NALF1: variants seen among roughly 807,000 people sequenced by gnomAD.
NALF1 encodes NALCN channel auxiliary factor 1, also known as family with sequence similarity 155 member A.
Under a neutral mutation model 48.4 loss-of-function variants are expected in NALF1, and 3 were observed. That is an observed-to-expected ratio of 0.06 (90% CI 0.03 to 0.16). The LOEUF (loss-of-function observed/expected upper bound fraction) is 0.16, where lower values mean the gene tolerates loss of function less well. Among genes scored for constraint, NALF1 ranks in the 10% least tolerant of loss-of-function variants. The probability of loss-of-function intolerance (pLI) is 1.00; values close to 1 mark genes in which losing one functional copy is unlikely to be tolerated. For synonymous variants in NALF1, 262 were observed against 245.7 expected (o/e 1.07, Z -0.62); for missense variants, 526 against 571.5 (o/e 0.92, Z 0.81).
chr13:107,528,003 A>G (rs1452367590), intron 1 of NALF1, among the ~76,000 whole-genome samples: 1 of 152,220 alleles, frequency 6.6e-6, no homozygotes, highest in Non-Finnish European at 1.5e-5. Context: ...ACTACAAAGT[A>G]ATATAAACAT....
intron 1 of NALF1, among the ~76,000 whole-genome samples, chr13:107,643,407 G>A (rs1880216478): frequency 6.6e-6 from 1 of 151,966 alleles, no homozygotes; most frequent in South Asian, 2.1e-4. Context: ...ATTCAAAACT[G>A]GAATATGACA....
intron 1 of NALF1, among the ~76,000 whole-genome samples, chr13:107,802,188 C>T (rs918988410): frequency 2.6e-4 from 39 of 152,204 alleles, no homozygotes; most frequent in African/African-American, 7.5e-4. Flanking sequence ...TTTGTAATTG[C>T]TTCATTTCAA....
chr13:107,287,706 C>CTTTTTTTTTTTTTTTTTTTTTTTTCT (rs59607599), intron 1 of NALF1, among the ~76,000 whole-genome samples: 1 of 127,908 alleles, frequency 7.8e-6, no homozygotes, highest in Non-Finnish European at 1.6e-5. Context: ...TCTTTTCTTT[C>CTTTTTTTTTTTTTTTTTTTTTTTTCT]TTTTTTTTTT....
chr13:107,530,688 G>A (rs949063995), intron 1 of NALF1, among the ~76,000 whole-genome samples: 1 of 151,982 alleles, frequency 6.6e-6, no homozygotes, highest in Non-Finnish European at 1.5e-5. Flanking sequence ...AAATAATATT[G>A]CAAATCACCA....
At chr13:107,820,651 T>G (rs1261367315) in intron 1 of NALF1, among the ~76,000 whole-genome samples, 1 of 152,234 alleles carries the variant, frequency 6.6e-6, no homozygotes, top group African/African-American at 2.4e-5. Flanking sequence ...ATCTGCTATG[T>G]AAATCTTTCC....
At chr13:107,374,136 T>G (rs1288870867) in intron 1 of NALF1, among the ~76,000 whole-genome samples, 1 of 152,230 alleles carries the variant, frequency 6.6e-6, no homozygotes, top group Non-Finnish European at 1.5e-5. Context: ...TATTGTAACA[T>G]CCATCAGTGT....
intron 1 of NALF1, among the ~76,000 whole-genome samples, chr13:107,339,479 A>T (rs1882628614): frequency 6.6e-6 from 1 of 151,908 alleles, no homozygotes; most frequent in Non-Finnish European, 1.5e-5. Flanking sequence ...GGGCCTGCAA[A>T]TTTGCATTTG....
intron 1 of NALF1, among the ~76,000 whole-genome samples, chr13:107,313,221 A>G (rs1163424945): frequency 6.6e-6 from 1 of 152,122 alleles, no homozygotes; most frequent in Non-Finnish European, 1.5e-5. Context: ...ACAGGGAAAA[A>G]GGAACAGGAA....
chr13:107,752,093 T>C lies in NALF1; in HGVS notation c.915+113589A>G, dbSNP rs547129622. On this transcript the variant is annotated intron_variant, in intron 1 of 2. Transcript: ENST00000375915. ...TTGGTACACATGAAACAGAAAATATTAAATAATTTAAAAGTAGTAACATAT... is the reference window on the plus strand; with the variant it reads ...TTGGTACACATGAAACAGAAAATATCAAATAATTTAAAAGTAGTAACATAT... 3.3e-5 allele frequency among the ~76,000 whole-genome samples: 5 copies of C among 152,172 alleles called. No homozygotes were observed. In the South Asian group the frequency reaches 1.0e-3, roughly 32 times the overall value.
rs1426832234 is a variant in NALF1 at position 107,169,521 on chromosome 13, AC to A, written c.*975del. The A allele has an allele frequency of 1.3e-5, 2 of 151,938 alleles. No homozygotes were observed. Among genetic ancestry groups the A allele is most frequent in the Non-Finnish European group, 2.9e-5 (2 of 68,006 alleles). 9.4% of individuals were successfully genotyped at this position (151,938 alleles called of 1,614,324 possible). A position where few individuals can be genotyped will look rare whatever the true frequency, so the allele number is the denominator to read the frequency against. The stretch of plus-strand genomic sequence containing the variant: ...GCCCACCTTCATTGTCAAAAGAAAA[AC>A]TTCCTCACTCCCCGCATCCTGATTC... On this transcript the variant is annotated 3_prime_UTR_variant, in exon 3 of 3. Coordinates refer to ENST00000375915, the MANE Select transcript of NALF1 (RefSeq NM_001080396.3).
intron 1 of NALF1, among the ~76,000 whole-genome samples, chr13:107,783,018 G>C (rs1363421346): frequency 6.1e-5 from 9 of 147,176 alleles, no homozygotes; most frequent in Admixed American, 5.3e-4. Flanking sequence ...AGGGAGGTGG[G>C]GGGTCAGCCC....
At chr13:107,235,335 T>C (rs897276751) in intron 1 of NALF1, among the ~76,000 whole-genome samples, 4 of 152,162 alleles carry the variant, frequency 2.6e-5, no homozygotes, top group African/African-American at 7.2e-5. Flanking sequence ...TCCAGGTTTG[T>C]CAACACCTAC....
chr13:107,680,134 T>C (rs1020719616), intron 1 of NALF1, among the ~76,000 whole-genome samples: 3 of 152,112 alleles, frequency 2.0e-5, no homozygotes, highest in Non-Finnish European at 2.9e-5. Flanking sequence ...GCTGCCCAGG[T>C]GCCCAGCAGC....
chr13:107,418,163 G>A (rs1368072670), intron 1 of NALF1, among the ~76,000 whole-genome samples: 1 of 152,160 alleles, frequency 6.6e-6, no homozygotes, highest in African/African-American at 2.4e-5. Flanking sequence ...CCCAGTAGAG[G>A]TAAAATTACT....
chr13:107,814,557 AAAC>A (rs1193652488), intron 1 of NALF1, among the ~76,000 whole-genome samples: 2 of 152,172 alleles, frequency 1.3e-5, no homozygotes, highest in Non-Finnish European at 2.9e-5. Flanking sequence ...ATAGACATGA[AAAC>A]AACAACAGAA....
intron 1 of NALF1, among the ~76,000 whole-genome samples, chr13:107,322,819 C>T (rs1248859647): frequency 6.6e-6 from 1 of 152,068 alleles, no homozygotes; most frequent in African/African-American, 2.4e-5. Flanking sequence ...CATAAATTAC[C>T]TCCTTTCAAA....
At chr13:107,203,784 C>G (rs951528161) in intron 2 of NALF1, among the ~76,000 whole-genome samples, 1 of 152,222 alleles carries the variant, frequency 6.6e-6, no homozygotes, top group African/African-American at 2.4e-5. Context: ...TCTCCCTGGT[C>G]TGATGCATTT....
At chr13:107,479,688 C>A (rs1192275821) in intron 1 of NALF1, among the ~76,000 whole-genome samples, 1 of 152,110 alleles carries the variant, frequency 6.6e-6, no homozygotes, top group Non-Finnish European at 1.5e-5. Flanking sequence ...TAATTACATG[C>A]ACCACCAATT....
At chr13:107,438,760 G>C (rs917622108) in intron 1 of NALF1, among the ~76,000 whole-genome samples, 3 of 135,026 alleles carry the variant, frequency 2.2e-5, no homozygotes, top group Non-Finnish European at 4.6e-5. Flanking sequence ...AGGAGGCGGA[G>C]TTTGCAGCAG....
Sources: gnomAD v4.1 joint callset for allele counts (sites outside exome capture counted in the v4.1 genomes callset) on GRCh38, gnomAD v4.1.1 for gene constraint, MANE v1.5 for transcripts, NCBI Gene and HGNC (gene_info 2026-07-23, HGNC 2026-07-21) for gene names.